Variants in ARHGEF26 observed in about 807,000 individuals in gnomAD.
ARHGEF26 encodes Rho guanine nucleotide exchange factor (GEF) 26.
Under a neutral mutation model 89.4 loss-of-function variants are expected in ARHGEF26, and 59 were observed. That is an observed-to-expected ratio of 0.66 (90% CI 0.54 to 0.82). The LOEUF is 0.82. Ranked by LOEUF, ARHGEF26 falls within the 40% of genes least tolerant of loss-of-function variation. The pLI is 0.00. For synonymous variants in ARHGEF26, 500 were observed against 428.4 expected (o/e 1.17, Z -2.06); for missense variants, 1,234 against 1,085.6 (o/e 1.14, Z -1.92).
In ARHGEF26 at chr3:154,149,385, C is replaced by G; in HGVS notation, c.1270-4C>G. Reference sequence around the variant, plus strand: ...AGTCAACTCTACTTTGCTTTTTCTCCTAGGTGAAAAGAAAGGGATTATCTC... The same window carrying G: ...AGTCAACTCTACTTTGCTTTTTCTCGTAGGTGAAAAGAAAGGGATTATCTC... On this transcript the variant is annotated splice_region_variant and splice_polypyrimidine_tract_variant and intron_variant, in intron 4 of 14. Coordinates refer to ENST00000465093, the MANE Select transcript of ARHGEF26 (RefSeq NM_015595.4). 6.2e-7 allele frequency: 1 copy of G among 1,601,122 alleles called. No individual in the cohort carries two copies. The highest frequency in any genetic ancestry group is 8.5e-7 in the Non-Finnish European group (1 of 1,173,292).
At chr3:154,130,922 G>A (rs1325987772) in intron 4 of ARHGEF26, among the ~76,000 whole-genome samples, 1 of 152,166 alleles carries the variant, frequency 6.6e-6, no homozygotes, top group East Asian at 1.9e-4. Flanking sequence ...GGGAATATGT[G>A]TATGTAAACG....
rs555447361 is a variant in ARHGEF26, at chr3:154,154,001, C to T, written c.1487+1069C>T. Among the ~76,000 whole-genome samples, 5 of 152,110 alleles carry T rather than the reference C, an allele frequency of 3.3e-5. No homozygotes were observed. The East Asian group carries it at 7.7e-4, about 24-fold the overall frequency. ...AGGCACATAATTTATGGGTGGTGAT[C>T]AATACCAGATCCATTAATTCATTAA... On this transcript the variant is annotated intron_variant, in intron 6 of 14. Transcript: ENST00000465093.
At chr3:154,184,877 T>C (rs929033260) in intron 6 of ARHGEF26, among the ~76,000 whole-genome samples, 3 of 152,224 alleles carry the variant, frequency 2.0e-5, no homozygotes, top group Admixed American at 2.0e-4. Context: ...GCAATCAAGC[T>C]CAGCCCTGCT....
intron 12 of ARHGEF26, among the ~76,000 whole-genome samples, chr3:154,244,861 T>C (rs1055548556): frequency 6.6e-6 from 1 of 151,856 alleles, no homozygotes; most frequent in African/African-American, 2.4e-5. Context: ...GTAACAAATT[T>C]TATTCTTTTT....
chr3:154,199,850 T>G (rs1714520162), intron 9 of ARHGEF26, among the ~76,000 whole-genome samples: 1 of 152,150 alleles, frequency 6.6e-6, no homozygotes, highest in Non-Finnish European at 1.5e-5. Flanking sequence ...GTTTGCCATT[T>G]GTATGTCTTT....
intron 12 of ARHGEF26, among the ~76,000 whole-genome samples, chr3:154,247,295 T>C (rs1367328965): frequency 6.6e-6 from 1 of 152,174 alleles, no homozygotes; most frequent in Admixed American, 6.5e-5. Context: ...CTATTGACAC[T>C]CTTTTGCGTT....
chr3:154,137,325 G>A (rs569491654), intron 4 of ARHGEF26, among the ~76,000 whole-genome samples: 9 of 152,152 alleles, frequency 5.9e-5, no homozygotes, highest in Non-Finnish European at 1.2e-4. Flanking sequence ...ATGATACCCT[G>A]CACCACTTCG....
Position 154,124,420 on chromosome 3 carries a change from T to G in ARHGEF26, c.1094T>G (p.Leu365Arg). The G allele has an allele frequency of 6.7e-7, 1 of 1,482,332 alleles. No homozygotes were observed. Among genetic ancestry groups the G allele is most frequent in the Non-Finnish European group, 8.9e-7 (1 of 1,123,376 alleles). The allele number at this position is 1,482,332 out of a possible 1,614,324, so 91.8% of individuals were successfully genotyped here. ...SSLGRIKKKM[L>R]KGQGTFDGEE... Reference sequence around the variant, plus strand: ...TTTTTTGTCTCTTAGAAAAAAATGCTGAAAGGACAAGGAACATTTGATGGG... The same window carrying G: ...TTTTTTGTCTCTTAGAAAAAAATGCGGAAAGGACAAGGAACATTTGATGGG... The change falls in exon 3 of 15, where the codon CTG (leucine) becomes CGG (arginine). Residue 365 changes from leucine to arginine, a missense_variant. Physicochemically the swap from Leu to Arg is moderately radical, Grantham distance 102 (BLOSUM62 -2). Coordinates refer to ENST00000465093, the MANE Select transcript of ARHGEF26 (RefSeq NM_015595.4).
chr3:154,130,147 A>ATT (rs55816788), intron 4 of ARHGEF26, among the ~76,000 whole-genome samples: 1 of 105,970 alleles, frequency 9.4e-6, no homozygotes, highest in African/African-American at 4.0e-5. Context: ...TTCCTTGGAA[A>ATT]TTTTTTTTTT....
chr3:154,256,880 G>T lies in ARHGEF26; in HGVS notation c.*1407G>T. 6.5e-7 allele frequency: 1 copy of T among 1,535,184 alleles called. No individual in the cohort carries two copies. The highest frequency in any genetic ancestry group is 1.7e-4 in the Middle Eastern group (1 of 5,986). On this transcript the variant is annotated 3_prime_UTR_variant, in exon 15 of 15. Transcript: ENST00000465093. ...CTTTTTCCACTAGTGCACAGAGAGA[G>T]AAAGGTTATCTTAATAGTCGGTTTC...
intron 9 of ARHGEF26, among the ~76,000 whole-genome samples, chr3:154,196,384 G>T (rs553890321): frequency 6.6e-6 from 1 of 152,250 alleles, no homozygotes; most frequent in South Asian, 2.1e-4. Flanking sequence ...GCACAGAGGA[G>T]CAAAGATAAT....
chr3:154,251,582 T>C (rs533690008), intron 12 of ARHGEF26, among the ~76,000 whole-genome samples: 5 of 152,292 alleles, frequency 3.3e-5, no homozygotes, highest in African/African-American at 4.8e-5. Flanking sequence ...TATAATAGAA[T>C]TGTGCAGAGG....
intron 6 of ARHGEF26, among the ~76,000 whole-genome samples, chr3:154,157,834 C>T (rs1177153526): frequency 6.6e-6 from 1 of 151,972 alleles, no homozygotes; most frequent in East Asian, 1.9e-4. Context: ...GTGCCTGGAA[C>T]ATGAGAGTAA....
At chr3:154,220,295 A>G (rs1386389732) in intron 10 of ARHGEF26, among the ~76,000 whole-genome samples, 1 of 152,190 alleles carries the variant, frequency 6.6e-6, no homozygotes, top group Non-Finnish European at 1.5e-5. Flanking sequence ...CCCTCCCCTC[A>G]TAGTCTAGTA....
chr3:154,248,931 C>T (rs1458759812), intron 12 of ARHGEF26, among the ~76,000 whole-genome samples: 3 of 152,046 alleles, frequency 2.0e-5, no homozygotes, highest in African/African-American at 7.2e-5. Context: ...CTGAACTAAT[C>T]TAGTTGAATT....
chr3:154,193,218 C>T (rs550187639), intron 8 of ARHGEF26, among the ~76,000 whole-genome samples: 55 of 152,082 alleles, frequency 3.6e-4, no homozygotes, highest in Non-Finnish European at 6.6e-4. Flanking sequence ...CATTAGTGGG[C>T]CATAAAACTG....
Position 154,256,469 on chromosome 3 carries a change from C to T in ARHGEF26, c.*996C>T, listed in dbSNP as rs990195881. ...TAACTCCTGCCCTCAAGTGATCCAC[C>T]AGAGAGGAGATCCTCGGCCTCCCCA... On this transcript the variant is annotated 3_prime_UTR_variant, in exon 15 of 15. Transcript: ENST00000465093. The T allele has an allele frequency of 9.1e-5, 81 of 885,702 alleles. No homozygotes were observed. Among genetic ancestry groups the T allele is most frequent in the Middle Eastern group, 1.2e-3 (2 of 1,738 alleles). The allele number at this position is 885,702 out of a possible 1,614,324, so 54.9% of individuals were successfully genotyped here.
At chr3:154,162,938 C>T (rs564536967) in intron 6 of ARHGEF26, among the ~76,000 whole-genome samples, 5 of 152,178 alleles carry the variant, frequency 3.3e-5, no homozygotes, top group Admixed American at 2.0e-4. Context: ...ATTGAGCCGC[C>T]GTATTTGTGA....
chr3:154,187,610 T>C (rs1012767272), intron 6 of ARHGEF26, 75 bp from the exon 7 acceptor site: 1 of 1,304,340 alleles, frequency 7.7e-7, no homozygotes, highest in Non-Finnish European at 1.0e-6. Flanking sequence ...TGTAATAACA[T>C]TACATGAGGC....
Sources: allele counts gnomAD v4.1 joint callset (sites outside exome capture counted in the v4.1 genomes callset), GRCh38; gene constraint gnomAD v4.1.1; transcripts MANE v1.5; gene names NCBI Gene and HGNC (gene_info 2026-07-23, HGNC 2026-07-21).